The following PCDHA7 variants were observed in gnomAD, a reference collection of about 807,000 sequenced individuals.
PCDHA7 encodes the protein protocadherin alpha 7.
PCDHA7 carries 37 observed loss-of-function variants against 57.2 expected under a neutral mutation model. That is an observed-to-expected ratio of 0.65 (90% CI 0.50 to 0.85). The LOEUF (loss-of-function observed/expected upper bound fraction) is 0.85, where lower values mean the gene tolerates loss of function less well. PCDHA7 is among the 40% of genes least tolerant of loss of function. PCDHA7 has a pLI of 0.00. For synonymous variants in PCDHA7, 553 were observed against 558.8 expected (o/e 0.99, Z 0.15); for missense variants, 1,188 against 1,241.8 (o/e 0.96, Z 0.65).
chr5:140,841,274 C>A, intron 1 of PCDHA7: 1 of 1,518,266 alleles, frequency 6.6e-7, no homozygotes. Flanking sequence ...TACAGTCGTT[C>A]ATCTTTATAT....
intron 1 of PCDHA7, chr5:140,856,071 TG>T: frequency 6.3e-7 from 1 of 1,591,920 alleles, no homozygotes; most frequent in East Asian, 2.2e-5. Flanking sequence ...TGTAGCTGCC[TG>T]GGGGTCCAGT....
intron 1 of PCDHA7, among the ~76,000 whole-genome samples, chr5:140,904,904 C>G (rs1463349424): frequency 6.6e-6 from 1 of 151,948 alleles, no homozygotes; most frequent in Non-Finnish European, 1.5e-5. Context: ...GTTTTTCTTA[C>G]TGATTTGTTT....
At chr5:140,859,454 C>G (rs1400169609) in intron 1 of PCDHA7, 1 of 217,780 alleles carries the variant, frequency 4.6e-6, no homozygotes, top group South Asian at 1.1e-4. Context: ...TGCAGAGTGA[C>G]AAAACTACAC....
At chr5:140,884,354 G>A (rs2060118274) in intron 1 of PCDHA7, 1 of 1,613,952 alleles carries the variant, frequency 6.2e-7, no homozygotes, top group African/African-American at 1.3e-5. Context: ...GCTGGTGGAT[G>A]TCAATGTTTA....
rs576414745 is a variant in PCDHA7, at chr5:140,895,584, G to T, written c.2355+58846G>T. Among the ~76,000 whole-genome samples the T allele has an allele frequency of 9.2e-5, 14 of 152,210 alleles. No individual in the cohort carries two copies. In the South Asian group the frequency reaches 2.7e-3, roughly 29 times the overall value. The stretch of plus-strand genomic sequence containing the variant: ...TATTCTAGATGCAATTACTTTATTA[G>T]ATATATAATTTGCAAAGATTTTCTC... On this transcript the variant is annotated intron_variant, in intron 1 of 3. Coordinates refer to ENST00000525929, the MANE Select transcript of PCDHA7 (RefSeq NM_018910.3).
At chr5:140,967,373 A>C in intron 1 of PCDHA7, 1 of 1,607,416 alleles carries the variant, frequency 6.2e-7, no homozygotes, top group Non-Finnish European at 8.5e-7. Flanking sequence ...CCTGCAGGAG[A>C]ACAGTAAAGT....
rs1192658029 is a variant in PCDHA7 at position 141,011,915 on chromosome 5, A to G, written c.*1978A>G. On this transcript the variant is annotated 3_prime_UTR_variant, in exon 4 of 4. Coordinates refer to ENST00000525929, the MANE Select transcript of PCDHA7 (RefSeq NM_018910.3). Reference sequence around the variant, plus strand: ...ATATTATCTATTTAGGCATTAATATAAAAGAGGTAGGAGTCTGTTATTTAA... The same window carrying G: ...ATATTATCTATTTAGGCATTAATATGAAAGAGGTAGGAGTCTGTTATTTAA... 1 of 153,728 alleles carries G rather than the reference A, an allele frequency of 6.5e-6. No homozygotes were observed. Among genetic ancestry groups the G allele is most frequent in the Admixed American group, 6.5e-5 (1 of 15,286 alleles). 9.5% of individuals were successfully genotyped at this position (153,728 alleles called of 1,614,324 possible). A position where few individuals can be genotyped will look rare whatever the true frequency, so the allele number is the denominator to read the frequency against.
chr5:140,926,914 G>A (rs1563085125), intron 1 of PCDHA7: 7 of 1,565,570 alleles, frequency 4.5e-6, no homozygotes, highest in African/African-American at 1.4e-5. Context: ...TGGGGTGGCA[G>A]TTTTATGTTT....
chr5:141,010,506 C>A lies in PCDHA7; in HGVS notation c.*569C>A. ...CTTAAAGGGACCAGACTTTCTAAAT[C>A]TTACAACTCAAGAGGTGGCAGCCAC... is the stretch of plus-strand genomic sequence containing the variant. On this transcript the variant is annotated 3_prime_UTR_variant, in exon 4 of 4. Transcript: ENST00000525929. 1 of 549,534 alleles carries A rather than the reference C, an allele frequency of 1.8e-6. No homozygotes were observed. The highest frequency in any genetic ancestry group is 2.9e-6 in the Non-Finnish European group (1 of 344,162). 34.0% of individuals were successfully genotyped at this position (549,534 alleles called of 1,614,324 possible). A position where few individuals can be genotyped will look rare whatever the true frequency, so the allele number is the denominator to read the frequency against.
intron 1 of PCDHA7, among the ~76,000 whole-genome samples, chr5:140,972,657 CA>C (rs1342092810): frequency 2.8e-5 from 4 of 143,798 alleles, no homozygotes; most frequent in South Asian, 4.5e-4. Context: ...AAAAAGAAAC[CA>C]AATTTTTTTT....
intron 1 of PCDHA7, among the ~76,000 whole-genome samples, chr5:140,879,426 G>T (rs2057986144): frequency 6.6e-6 from 1 of 152,302 alleles, no homozygotes; most frequent in South Asian, 2.1e-4. Flanking sequence ...GAATGGAGAT[G>T]AACATTTAAG....
rs571694728 is a variant in PCDHA7, at chr5:140,949,343, CTG to C, written c.2356-29602_2356-29601del. Among the ~76,000 whole-genome samples the C allele has an allele frequency of 8.0e-4, 121 of 151,818 alleles. 1 individual carries two copies. Among genetic ancestry groups the C allele is most frequent in the Admixed American group, 3.5e-3 (54 of 15,258 alleles). On this transcript the variant is annotated intron_variant, in intron 1 of 3. Transcript: ENST00000525929. ...TATAAATTATTGTTATCCAGATTTT[CTG>C]TGTCTTTATTTTTTTGTCTAGTTGT...
intron 1 of PCDHA7, chr5:140,966,476 C>G: frequency 2.3e-6 from 1 of 432,972 alleles, no homozygotes; most frequent in Non-Finnish European, 4.0e-6. Flanking sequence ...CTTCTGTTTC[C>G]TTTTCCCTCC....
intron 1 of PCDHA7, chr5:140,930,281 A>G (rs1554207692): frequency 6.6e-6 from 1 of 152,242 alleles, no homozygotes; most frequent in Non-Finnish European, 1.5e-5. Flanking sequence ...TAGGGGACAA[A>G]TACACTTAAC....
chr5:140,957,159 C>G (rs2095337596), intron 1 of PCDHA7, among the ~76,000 whole-genome samples: 1 of 151,974 alleles, frequency 6.6e-6, no homozygotes, highest in Non-Finnish European at 1.5e-5. Flanking sequence ...GGAGACAAAT[C>G]TAAGTATATA....
At chr5:140,871,636 T>C in intron 1 of PCDHA7, 1 of 1,364,788 alleles carries the variant, frequency 7.3e-7, no homozygotes, top group Non-Finnish European at 9.8e-7. Flanking sequence ...TGTCTGTTCA[T>C]AAAATACCAA....
At position 140,944,954 on chromosome 5, in the gene PCDHA7, G is replaced by T. The variant is rs59917150; in HGVS notation, c.2356-33995G>T. Among the ~76,000 whole-genome samples the T allele has an allele frequency of 8.9e-3, 1,356 of 152,182 alleles. 15 individuals are homozygous for T. Among genetic ancestry groups the T allele is most frequent in the African/African-American group, 0.032 (1,311 of 41,514 alleles). ...CTTCTTTAGATGATTGTGAATAAGA[G>T]TATTATCTTAACCTCTCTGGTGGGT... On this transcript the variant is annotated intron_variant, in intron 1 of 3. Coordinates refer to ENST00000525929, the MANE Select transcript of PCDHA7 (RefSeq NM_018910.3).
At chr5:140,967,649 T>C in intron 1 of PCDHA7, 1 of 1,614,132 alleles carries the variant, frequency 6.2e-7, no homozygotes. Context: ...GCTCAGGTAC[T>C]CCTTGAGCAG....
chr5:140,898,138 T>C (rs1294129650), intron 1 of PCDHA7, among the ~76,000 whole-genome samples: 1 of 152,208 alleles, frequency 6.6e-6, no homozygotes, highest in African/African-American at 2.4e-5. Flanking sequence ...ATTTTGTAGG[T>C]TGCCTGTTCA....
Sources: gnomAD v4.1 joint callset for allele counts (sites outside exome capture counted in the v4.1 genomes callset) on GRCh38, gnomAD v4.1.1 for gene constraint, MANE v1.5 for transcripts, NCBI Gene and HGNC (gene_info 2026-07-23, HGNC 2026-07-21) for gene names.